The following TEX9 variants were observed in gnomAD, a reference collection of about 807,000 sequenced individuals.
TEX9 encodes testis-expressed protein 9.
Under a neutral mutation model 59.6 loss-of-function variants are expected in TEX9, and 74 were observed. That is an observed-to-expected ratio of 1.24 (90% CI 1.03 to 1.51). The LOEUF is 1.51. Ranked by LOEUF, TEX9 falls within the 40% of genes most tolerant of loss-of-function variation. The pLI is 0.00. For synonymous variants in TEX9, 186 were observed against 152.2 expected, an observed-to-expected ratio of 1.22 and a Z score of -1.64; for missense variants, 522 against 447.8, an observed-to-expected ratio of 1.17 and a Z score of -1.49.
At chr15:56,330,786 T>C (rs1427291098) in intron 1 of TEX9, among the ~76,000 whole-genome samples, 2 of 150,214 alleles carry the variant, frequency 1.3e-5, no homozygotes, top group Non-Finnish European at 1.5e-5. Flanking sequence ...AAAAAAATGG[T>C]TGGAGTAAGT....
At chr15:56,399,761 G>A (rs749867307) in intron 9 of TEX9, among the ~76,000 whole-genome samples, 6 of 152,164 alleles carry the variant, frequency 3.9e-5, no homozygotes, top group South Asian at 2.1e-4. Context: ...CGAAGCTCCC[G>A]GAGGAAGCAT....
downstream of TEX9, chr15:56,446,757 A>G (rs1291921796): frequency 1.0e-6 from 1 of 989,240 alleles, no homozygotes; most frequent in African/African-American, 1.6e-5. Flanking sequence ...AATTCTTTAT[A>G]CAATATGACA....
intron 1 of TEX9, among the ~76,000 whole-genome samples, chr15:56,309,711 T>TTG (rs1274165072): frequency 1.1e-4 from 15 of 132,794 alleles, no homozygotes; most frequent in African/African-American, 3.9e-4. Flanking sequence ...TTTTTTTTTT[T>TTG]TTTTTTTTTT....
chr15:56,375,204 A>G (rs1195055336), intron 3 of TEX9, among the ~76,000 whole-genome samples: 1 of 152,154 alleles, frequency 6.6e-6, no homozygotes, highest in South Asian at 2.1e-4. Flanking sequence ...AATGATTGCC[A>G]TTCTAACTGG....
At chr15:56,434,124 C>CA in intron 12 of TEX9, 1 of 1,604,878 alleles carries the variant, frequency 6.2e-7, no homozygotes, top group Non-Finnish European at 8.5e-7. Context: ...AAAAACCCCA[C>CA]AACTTTTTCT....
chr15:56,272,176 T>C (rs1299300839), intron 1 of TEX9, among the ~76,000 whole-genome samples: 7 of 152,158 alleles, frequency 4.6e-5, no homozygotes, highest in African/African-American at 1.4e-4. Flanking sequence ...TAGTGGTTTT[T>C]AGACTATTCA....
chr15:56,266,680 T>C (rs1440731846), intron 1 of TEX9, among the ~76,000 whole-genome samples: 4 of 152,212 alleles, frequency 2.6e-5, no homozygotes, highest in African/African-American at 9.6e-5. Context: ...GGTTGCATAG[T>C]ATTCCATGGT....
chr15:56,261,659 G>C (rs1209034804), intron 1 of TEX9, among the ~76,000 whole-genome samples: 1 of 152,108 alleles, frequency 6.6e-6, no homozygotes, highest in Non-Finnish European at 1.5e-5. Context: ...GGAGGTTGCA[G>C]TGAGCTAAGC....
At chr15:56,458,660 A>T in the TEX9 span, among the ~76,000 whole-genome samples, 1 of 152,252 alleles carries the variant, frequency 6.6e-6, no homozygotes. Flanking sequence ...TACTGTTTCC[A>T]TAGTTTTGCC....
chr15:56,328,288 A>G (rs757849998), intron 1 of TEX9, among the ~76,000 whole-genome samples: 3 of 152,148 alleles, frequency 2.0e-5, no homozygotes, highest in Non-Finnish European at 4.4e-5. Context: ...GGCAGGACTC[A>G]TCACCTACTA....
intron 1 of TEX9, among the ~76,000 whole-genome samples, chr15:56,318,324 A>C (rs1243498996): frequency 2.0e-5 from 3 of 151,992 alleles, no homozygotes; most frequent in African/African-American, 7.2e-5. Context: ...AGCTGCTCCA[A>C]TTCTTTTTTG....
At chr15:56,349,881 C>G (rs985476279) in intron 1 of TEX9, among the ~76,000 whole-genome samples, 13 of 152,074 alleles carry the variant, frequency 8.5e-5, no homozygotes, top group African/African-American at 3.1e-4. Flanking sequence ...TAAGCCATAC[C>G]AGAAGTTGAA....
intron 9 of TEX9, among the ~76,000 whole-genome samples, chr15:56,411,714 T>A (rs1297899408): frequency 2.6e-5 from 4 of 152,152 alleles, no homozygotes; most frequent in Admixed American, 2.6e-4. Flanking sequence ...TCTTCAGGTG[T>A]TGGCCTGTTG....
intron 1 of TEX9, among the ~76,000 whole-genome samples, chr15:56,296,245 A>G (rs1175400410): frequency 6.6e-6 from 1 of 152,206 alleles, no homozygotes; most frequent in Non-Finnish European, 1.5e-5. Flanking sequence ...AACTACCTGT[A>G]TTACATGTAT....
At chr15:56,408,901 T>C (rs62022130) in intron 9 of TEX9, 45,783 of 152,298 alleles carry the variant, frequency 0.3, 7,772 homozygotes, top group Middle Eastern at 0.47. Context: ...GTAATCCTTA[T>C]AAAATTTAAG....
At chr15:56,294,037 A>G (rs1001408516) in intron 1 of TEX9, among the ~76,000 whole-genome samples, 5 of 152,314 alleles carry the variant, frequency 3.3e-5, no homozygotes, top group East Asian at 3.9e-4. Context: ...TTGTGTAGAC[A>G]CTGCTCCTTC....
Position 56,298,043 on chromosome 15 carries a change from G to C in TEX9, c.-107+53765G>C, listed in dbSNP as rs140882920. ...CCAAATAACAAGAACATTGCAATCT[G>C]ATTGGCTCAGTTATTTTAATACCCC... On this transcript the variant is annotated intron_variant, in intron 1 of 5. Coordinates refer to the TEX9 transcript ENST00000560827. Among the ~76,000 whole-genome samples, 794 of 152,366 alleles carry C rather than the reference G, an allele frequency of 5.2e-3. 2 individuals are homozygous for C. Among genetic ancestry groups the C allele is most frequent in the Non-Finnish European group, 8.4e-3 (569 of 68,034 alleles).
Position 56,356,484 on chromosome 15 carries a change from T to C in TEX9, c.-106-16957T>C, listed in dbSNP as rs1307687511. Among the ~76,000 whole-genome samples, 8 of 152,156 alleles carry C rather than the reference T, an allele frequency of 5.3e-5. No individual in the cohort carries two copies. In the East Asian group the frequency reaches 1.3e-3, roughly 26 times the overall value. ...GTTTCAAAATACTCCACTAGTGTTTTTTTTCTTCCTAAAGCATGTACTTTA... is the reference window on the plus strand; with the variant it reads ...GTTTCAAAATACTCCACTAGTGTTTCTTTTCTTCCTAAAGCATGTACTTTA... On this transcript the variant is annotated intron_variant, in intron 1 of 5. Coordinates refer to the TEX9 transcript ENST00000560827.
At chr15:56,319,317 A>G (rs2045850437) in intron 1 of TEX9, among the ~76,000 whole-genome samples, 1 of 151,314 alleles carries the variant, frequency 6.6e-6, no homozygotes, top group South Asian at 2.1e-4. Context: ...GGGGTTTTTA[A>G]TGATAATACT....
Sources: gnomAD v4.1 joint callset for allele counts (sites outside exome capture counted in the v4.1 genomes callset) on GRCh38, gnomAD v4.1.1 for gene constraint, MANE v1.5 for transcripts, NCBI Gene and HGNC (gene_info 2026-07-23, HGNC 2026-07-21) for gene names.